The following DNAJB6 variants were observed in gnomAD, a reference collection of about 807,000 sequenced individuals.
DNAJB6 encodes the protein dnaJ homolog subfamily B member 6.
A neutral mutation model predicts 42.7 loss-of-function variants in DNAJB6; 16 were observed. The observed-to-expected ratio is 0.37, with a 90% confidence interval of 0.25 to 0.57. The LOEUF is 0.57. DNAJB6 is among the 20% of genes least tolerant of loss of function. DNAJB6 has a pLI of 0.74. For missense variants in DNAJB6, 347 were observed against 416.8 expected, an observed-to-expected ratio of 0.83 and a Z score of 1.46; for synonymous variants, 170 against 163.5, an observed-to-expected ratio of 1.04 and a Z score of -0.30.
chr7:157,369,383 G>T (rs1800002062), intron 5 of DNAJB6: 2 of 456,588 alleles, frequency 4.4e-6, no homozygotes, highest in Non-Finnish European at 8.8e-6. Context: ...TTGGGTTGAA[G>T]TCCTGTGTTC....
chr7:157,340,284 C>G (rs1350139456), intron 1 of DNAJB6, among the ~76,000 whole-genome samples: 1 of 152,180 alleles, frequency 6.6e-6, no homozygotes, highest in Non-Finnish European at 1.5e-5. Context: ...TAAATTTGTG[C>G]AGGACCCCAC....
At chr7:157,392,185 C>T (rs1428255510) in intron 8 of DNAJB6, among the ~76,000 whole-genome samples, 1 of 151,736 alleles carries the variant, frequency 6.6e-6, no homozygotes, top group East Asian at 1.9e-4. Flanking sequence ...TCTGTGTCCT[C>T]ACGCTTGCTA....
chr7:157,381,729 T>A (rs1800783248), intron 5 of DNAJB6: 1 of 148,912 alleles, frequency 6.7e-6, no homozygotes. Context: ...TTAGCTTACA[T>A]GGCCACACCA....
At chr7:157,408,635 C>T (rs541899189) in intron 8 of DNAJB6, among the ~76,000 whole-genome samples, 1 of 152,374 alleles carries the variant, frequency 6.6e-6, no homozygotes, top group African/African-American at 2.4e-5. Flanking sequence ...AGCCCGTTCT[C>T]TCTGTTGTGG....
intron 9 of DNAJB6, 99 bp downstream of exon 9, chr7:157,410,100 C>T (rs1795921301): frequency 2.1e-6 from 3 of 1,438,598 alleles, no homozygotes; most frequent in South Asian, 2.9e-5. Flanking sequence ...CTGCTGTGTT[C>T]TGACCTGAGC....
chr7:157,356,471 C>T (rs774819042), intron 1 of DNAJB6, among the ~76,000 whole-genome samples: 1 of 152,148 alleles, frequency 6.6e-6, no homozygotes, highest in East Asian at 1.9e-4. Context: ...CTGGTCGGAC[C>T]TGTGTGGCTT....
chr7:157,344,295 C>G (rs10270021), intron 1 of DNAJB6, among the ~76,000 whole-genome samples: 2,034 of 152,048 alleles, frequency 0.013, 43 homozygotes, highest in African/African-American at 0.046. Flanking sequence ...GAGCCGAGAT[C>G]CCTCTACTGC....
intron 8 of DNAJB6, among the ~76,000 whole-genome samples, chr7:157,396,658 G>C (rs1221992256): frequency 6.6e-6 from 1 of 152,212 alleles, no homozygotes; most frequent in Non-Finnish European, 1.5e-5. Context: ...GGGGTACTCT[G>C]TGGACCGCAG....
intron 6 of DNAJB6, among the ~76,000 whole-genome samples, chr7:157,383,669 C>G (rs1438024204): frequency 6.6e-6 from 1 of 151,462 alleles, no homozygotes; most frequent in Non-Finnish European, 1.5e-5. Flanking sequence ...TTCTCCACTT[C>G]TGAGGTGCCT....
chr7:157,414,433 T>C (rs1220061891), intron 9 of DNAJB6: 1 of 152,294 alleles, frequency 6.6e-6, no homozygotes, highest in African/African-American at 2.4e-5. Context: ...TCCCGCTTCC[T>C]TTCCTCTGCG....
intron 1 of DNAJB6, among the ~76,000 whole-genome samples, chr7:157,358,038 G>C (rs1436950813): frequency 6.6e-6 from 1 of 152,198 alleles, no homozygotes; most frequent in East Asian, 1.9e-4. Flanking sequence ...GGCTTTTGCT[G>C]TTCCCTCGTG....
chr7:157,361,161 GT>G (rs11334356), intron 2 of DNAJB6, among the ~76,000 whole-genome samples: 47,002 of 138,628 alleles, frequency 0.34, 7,208 homozygotes, highest in East Asian at 0.56. Flanking sequence ...ACTGCTACAC[GT>G]TTTTTTTTTT....
chr7:157,363,079 C>T, intron 2 of DNAJB6, 82 bp from the exon 3 acceptor site: 4 of 923,942 alleles, frequency 4.3e-6, no homozygotes, highest in Non-Finnish European at 1.7e-6. Context: ...TGAAGCCATT[C>T]TCGTGGTTAA....
At chr7:157,392,420 T>C (rs572978729) in intron 8 of DNAJB6, among the ~76,000 whole-genome samples, 1 of 151,978 alleles carries the variant, frequency 6.6e-6, no homozygotes, top group East Asian at 1.9e-4. Context: ...TAGTCTTAAT[T>C]ATTTACACAG....
At chr7:157,386,218 T>TA (rs1171958095) in intron 8 of DNAJB6, 2 of 978,914 alleles carry the variant, frequency 2.0e-6, no homozygotes, top group African/African-American at 3.5e-5. Flanking sequence ...AGCTTAGGTT[T>TA]AAAAAAGTAA....
intron 6 of DNAJB6, among the ~76,000 whole-genome samples, 166 bp from the exon 7 acceptor site, chr7:157,384,700 CT>C (rs1479815821): frequency 2.6e-5 from 4 of 152,346 alleles, no homozygotes; most frequent in Non-Finnish European, 5.9e-5. Flanking sequence ...GTCTTTCCCC[CT>C]GGGCACCCCA....
chr7:157,351,197 C>T (rs1798953541), intron 1 of DNAJB6, among the ~76,000 whole-genome samples: 2 of 151,972 alleles, frequency 1.3e-5, no homozygotes, highest in Admixed American at 1.3e-4. Context: ...GCCTGAGCCA[C>T]CATACCTGTC....
chr7:157,376,500 A>AAT (rs1380645203), intron 5 of DNAJB6, among the ~76,000 whole-genome samples: 1 of 152,246 alleles, frequency 6.6e-6, no homozygotes, highest in African/African-American at 2.4e-5. Flanking sequence ...TTCTGAGCCA[A>AAT]ATATAAGTGA....
At chr7:157,389,311 A>T (rs995926009) in intron 8 of DNAJB6, among the ~76,000 whole-genome samples, 12 of 152,248 alleles carry the variant, frequency 7.9e-5, no homozygotes, top group African/African-American at 2.7e-4. Flanking sequence ...CAGAGGATTC[A>T]ACGGTAATAA....
Sources: gnomAD v4.1 joint callset for allele counts (sites outside exome capture counted in the v4.1 genomes callset) on GRCh38, gnomAD v4.1.1 for gene constraint, MANE v1.5 for transcripts, NCBI Gene and HGNC (gene_info 2026-07-23, HGNC 2026-07-21) for gene names.